The following RALGAPA2 variants were observed in gnomAD, a reference collection of about 807,000 sequenced individuals.
RALGAPA2 encodes the protein ral GTPase-activating protein subunit alpha-2.
RALGAPA2 carries 139 observed loss-of-function variants against 230.4 expected under a neutral mutation model. The ratio of observed to expected loss-of-function variants is 0.60; its 90% CI spans 0.53 to 0.69. RALGAPA2 has a LOEUF of 0.69. Among genes scored for constraint, RALGAPA2 ranks in the 30% least tolerant of loss-of-function variants. The probability of loss-of-function intolerance (pLI) is 0.00; values close to 1 mark genes in which losing one functional copy is unlikely to be tolerated. For missense variants in RALGAPA2, 2,163 were observed against 2,276.0 expected, an observed-to-expected ratio of 0.95 and a Z score of 1.01; for synonymous variants, 847 against 837.8, an observed-to-expected ratio of 1.01 and a Z score of -0.19.
In RALGAPA2 at chr20:20,392,000, G is replaced by T. The variant is rs527238926; in HGVS notation, c.*1289C>A. ...ATTTACTTCCCAAGTGAAGTGCGGG[G>T]TGGAGCAAACCTCTAGCTCTGAGGC... On this transcript the variant is annotated 3_prime_UTR_variant, in exon 40 of 40. Coordinates refer to ENST00000202677, the MANE Select transcript of RALGAPA2 (RefSeq NM_020343.4). 6.6e-6 allele frequency: 1 copy of T among 152,552 alleles called. No individual in the cohort carries two copies. The highest frequency in any genetic ancestry group is 1.9e-4 in the East Asian group (1 of 5,190). The allele number at this position is 152,552 out of a possible 1,614,324, so 9.4% of individuals were successfully genotyped here.
At chr20:20,614,659 T>TA in intron 13 of RALGAPA2, among the ~76,000 whole-genome samples, 1 of 152,324 alleles carries the variant, frequency 6.6e-6, no homozygotes, top group East Asian at 1.9e-4. Flanking sequence ...GTGGTTTCTG[T>TA]ACTTGTGAAC....
chr20:20,455,926 A>G (rs1389229368), intron 37 of RALGAPA2, among the ~76,000 whole-genome samples: 1 of 152,228 alleles, frequency 6.6e-6, no homozygotes, highest in African/African-American at 2.4e-5. Context: ...TTTGAAAGCA[A>G]TATAAAATTA....
chr20:20,497,066 C>T (rs539704821), intron 35 of RALGAPA2, among the ~76,000 whole-genome samples: 1 of 152,228 alleles, frequency 6.6e-6, no homozygotes, highest in African/African-American at 2.4e-5. Context: ...TTTTTTCCTT[C>T]CTCCTTCCCA....
intron 36 of RALGAPA2, among the ~76,000 whole-genome samples, chr20:20,481,916 G>A (rs1011609531): frequency 2.6e-5 from 4 of 152,072 alleles, no homozygotes; most frequent in African/African-American, 9.7e-5. Context: ...CCCCGAAAGC[G>A]TGTTGCAAAT....
At chr20:20,685,419 A>T (rs1453917478) in intron 1 of RALGAPA2, among the ~76,000 whole-genome samples, 1 of 152,178 alleles carries the variant, frequency 6.6e-6, no homozygotes, top group Admixed American at 6.5e-5. Context: ...GTTATGCTTT[A>T]AAGGAAATGT....
chr20:20,524,851 G>A lies in RALGAPA2; in HGVS notation c.3741C>T (p.Ser1247=), dbSNP rs200282231. 1.9e-6 allele frequency: 3 copies of A among 1,610,122 alleles called. No individual in the cohort carries two copies. Among genetic ancestry groups the A allele is most frequent in the African/African-American group, 2.7e-5 (2 of 74,928 alleles). ...CTACCTTCTTGTCTGTTTCCACTGA[G>A]GAGTACTCTGCACTTGGTAAAAGAA... ...VAFLLPSAEY[S]SVETDKKFIV... Residue 1247 remains serine (S), a synonymous_variant, in exon 29 of 40, where the codon TCC becomes TCT. Transcript: ENST00000202677.
chr20:20,556,435 T>C (rs2064084453), intron 23 of RALGAPA2, among the ~76,000 whole-genome samples: 1 of 152,160 alleles, frequency 6.6e-6, no homozygotes, highest in Admixed American at 6.5e-5. Context: ...AAACTATTTG[T>C]AGGGTCATGG....
chr20:20,477,051 C>T (rs2061669353), intron 36 of RALGAPA2, among the ~76,000 whole-genome samples: 2 of 152,152 alleles, frequency 1.3e-5, no homozygotes, highest in Admixed American at 6.6e-5. Flanking sequence ...AGAATAGTGG[C>T]CACTTCTTCA....
chr20:20,521,725 G>A (rs1157076789), intron 30 of RALGAPA2, among the ~76,000 whole-genome samples: 4 of 152,054 alleles, frequency 2.6e-5, no homozygotes, highest in Non-Finnish European at 5.9e-5. Flanking sequence ...GCATAAATGA[G>A]GTAATAATTG....
intron 1 of RALGAPA2, among the ~76,000 whole-genome samples, chr20:20,683,600 G>A (rs2146854764): frequency 6.6e-6 from 1 of 152,304 alleles, no homozygotes; most frequent in East Asian, 1.9e-4. Context: ...CTGGTTCAGT[G>A]TATGAGACAA....
intron 36 of RALGAPA2, among the ~76,000 whole-genome samples, chr20:20,476,878 T>A (rs1357505470): frequency 6.6e-6 from 1 of 152,114 alleles, no homozygotes; most frequent in Non-Finnish European, 1.5e-5. Flanking sequence ...AACAGAATAT[T>A]CCACAGTAAC....
chr20:20,647,038 G>A (rs2067238826), intron 4 of RALGAPA2, among the ~76,000 whole-genome samples: 1 of 151,910 alleles, frequency 6.6e-6, no homozygotes, highest in Non-Finnish European at 1.5e-5. Flanking sequence ...TCTGAAGAAA[G>A]CAAATTCATC....
At chr20:20,556,976 C>G (rs2064102026) in intron 23 of RALGAPA2, among the ~76,000 whole-genome samples, 1 of 152,106 alleles carries the variant, frequency 6.6e-6, no homozygotes, top group Admixed American at 6.6e-5. Flanking sequence ...TTACAATGTT[C>G]TCTAGCAGAA....
chr20:20,484,381 C>T (rs1406490984), intron 36 of RALGAPA2, among the ~76,000 whole-genome samples: 2 of 152,138 alleles, frequency 1.3e-5, no homozygotes, highest in African/African-American at 4.8e-5. Flanking sequence ...GAACACATAA[C>T]TCCATGGAAC....
At position 20,512,837 on chromosome 20, in the gene RALGAPA2, G is replaced by A. The variant is rs768352542; in HGVS notation, c.4532C>T (p.Ser1511Phe). ...RDTFGPQKDS[S>F]QVEEGDDVLD... is the part of the protein sequence containing the mutation. ...AACATCATCCCCCTCCTCAACTTGA[G>A]AAGAGTCTTTCTGAGGTCCAAATGT... The change falls in exon 32 of 40, where the codon TCT (serine) becomes TTT (phenylalanine). Residue 1511 changes from serine (S) to phenylalanine (F), a missense_variant. Coordinates refer to ENST00000202677, the MANE Select transcript of RALGAPA2 (RefSeq NM_020343.4). The A allele has an allele frequency of 6.8e-6, 11 of 1,613,402 alleles. No homozygotes were observed. Among genetic ancestry groups the A allele is most frequent in the African/African-American group, 2.7e-5 (2 of 74,924 alleles).
intron 37 of RALGAPA2, among the ~76,000 whole-genome samples, chr20:20,443,635 T>C (rs1438129236): frequency 6.6e-6 from 1 of 152,202 alleles, no homozygotes; most frequent in Non-Finnish European, 1.5e-5. Context: ...CCTCATAAGG[T>C]GGAGTCCAGC....
At chr20:20,613,530 C>A (rs116306895) in intron 13 of RALGAPA2, among the ~76,000 whole-genome samples, 25 of 152,328 alleles carry the variant, frequency 1.6e-4, no homozygotes, top group African/African-American at 6.0e-4. Context: ...ATGTCACAAT[C>A]TTGCAGGCAC....
In RALGAPA2 at chr20:20,512,817, C is replaced by T; in HGVS notation, c.4552G>A (p.Asp1518Asn). The T allele has an allele frequency of 6.2e-7, 1 of 1,613,664 alleles. No individual in the cohort carries two copies. Residue 1518 changes from aspartate (D) to asparagine (N), a missense_variant, in exon 32 of 40, where the codon GAT (aspartate) becomes AAT (asparagine). By Grantham distance (23) the Asp-to-Asn change is conservative. Coordinates refer to ENST00000202677, the MANE Select transcript of RALGAPA2 (RefSeq NM_020343.4). ...KDSSQVEEGDDVLDKLLENIG... is the reference protein window; with the variant it reads ...KDSSQVEEGDNVLDKLLENIG... The stretch of plus-strand genomic sequence containing the variant: ...TTTTCAAGTAATTTGTCAAGAACAT[C>T]ATCCCCCTCCTCAACTTGAGAAGAG...
intron 7 of RALGAPA2, 34 bp downstream of exon 7, chr20:20,639,751 C>T: frequency 7.3e-7 from 1 of 1,369,220 alleles, no homozygotes; most frequent in Non-Finnish European, 1.0e-6. Flanking sequence ...TGAGAATAAA[C>T]CCATCACTGA....
Sources: allele counts gnomAD v4.1 joint callset (sites outside exome capture counted in the v4.1 genomes callset), GRCh38; gene constraint gnomAD v4.1.1; transcripts MANE v1.5; gene names NCBI Gene and HGNC (gene_info 2026-07-23, HGNC 2026-07-21).